CNTN5: variants seen among roughly 807,000 people sequenced by gnomAD.
CNTN5 encodes the protein contactin-5.
CNTN5 carries 77 observed loss-of-function variants against 129.1 expected under a neutral mutation model. The ratio of observed to expected loss-of-function variants is 0.60; its 90% CI spans 0.50 to 0.72. The LOEUF is 0.72. CNTN5 is among the 30% of genes least tolerant of loss of function. The probability of loss-of-function intolerance (pLI) is 0.00; values close to 1 mark genes in which losing one functional copy is unlikely to be tolerated. For missense variants in CNTN5, 1,478 were observed against 1,328.8 expected, an observed-to-expected ratio of 1.11 and a Z score of -1.75; for synonymous variants, 509 against 465.6, an observed-to-expected ratio of 1.09 and a Z score of -1.20.
rs1394056860 is a variant in CNTN5 at position 99,045,670 on chromosome 11, A to G, written c.-210+24400A>G. Reference sequence around the variant, plus strand: ...AGGATTATTGCCAGATAGAAGTATCATTACTCCTAATCTTAATAGATTGCA... The same window carrying G: ...AGGATTATTGCCAGATAGAAGTATCGTTACTCCTAATCTTAATAGATTGCA... On this transcript the variant is annotated intron_variant, in intron 1 of 24. Transcript: ENST00000524871. Among the ~76,000 whole-genome samples, 2 of 152,220 alleles carry G rather than the reference A, an allele frequency of 1.3e-5. 1 individual carries two copies. The highest frequency in any genetic ancestry group is 2.9e-5 in the Non-Finnish European group (2 of 68,032).
At chr11:100,010,833 G>T (rs951738777) in intron 9 of CNTN5, among the ~76,000 whole-genome samples, 1 of 151,958 alleles carries the variant, frequency 6.6e-6, no homozygotes, top group Admixed American at 6.6e-5. Context: ...TATCTATCCT[G>T]CCCCACAATC....
chr11:100,256,901 C>A (rs1390401547), intron 17 of CNTN5, among the ~76,000 whole-genome samples: 3 of 152,056 alleles, frequency 2.0e-5, no homozygotes, highest in African/African-American at 7.2e-5. Flanking sequence ...CAGCTAGCTG[C>A]AGGAGTGTTT....
intron 1 of CNTN5, among the ~76,000 whole-genome samples, chr11:99,072,411 T>C (rs1193501655): frequency 1.3e-5 from 2 of 152,062 alleles, no homozygotes; most frequent in African/African-American, 4.8e-5. Flanking sequence ...CAAAACAGGA[T>C]CTTAAAATGT....
At chr11:99,863,591 T>G (rs56149127) in intron 6 of CNTN5, among the ~76,000 whole-genome samples, 5,884 of 152,148 alleles carry the variant, frequency 0.039, 195 homozygotes, top group East Asian at 0.16. Context: ...ATAAGAACAA[T>G]TCAGCCTATT....
At chr11:100,166,597 G>A (rs1037883002) in intron 13 of CNTN5, among the ~76,000 whole-genome samples, 2 of 147,004 alleles carry the variant, frequency 1.4e-5, no homozygotes, top group Admixed American at 6.6e-5. Context: ...TCTCTCATGG[G>A]TTCATTTAAG....
chr11:99,819,696 C>A lies in CNTN5; in HGVS notation c.208C>A (p.Leu70Ile), dbSNP rs745546818. 33 of 1,612,742 alleles carry A rather than the reference C, an allele frequency of 2.0e-5. No homozygotes were observed. In the Middle Eastern group the frequency reaches 1.7e-3, roughly 81 times the overall value. Residue 70 changes from leucine (L) to isoleucine (I), a missense_variant, in exon 4 of 25, where the codon CTA (leucine) becomes ATA (isoleucine). Coordinates refer to ENST00000524871, the MANE Select transcript of CNTN5 (RefSeq NM_014361.4). ...GTLSASSPSW[L>I]GAAQNYYSPI... ...ACTGAGTGCTTCTTCACCCAGCTGG[C>A]TAGGGGCAGCTCAGAATTATTATTC...
intron 3 of CNTN5, among the ~76,000 whole-genome samples, chr11:99,641,580 C>T (rs7949313): frequency 0.6 from 91,325 of 151,786 alleles, 28,306 homozygotes; most frequent in Admixed American, 0.69. Flanking sequence ...TGTAGTGAAC[C>T]GGAAATTCCT....
At chr11:99,656,040 G>A (rs923151328) in intron 3 of CNTN5, among the ~76,000 whole-genome samples, 1 of 151,284 alleles carries the variant, frequency 6.6e-6, no homozygotes, top group Non-Finnish European at 1.5e-5. Flanking sequence ...GTGTGTATGT[G>A]TGTATATAGG....
chr11:99,663,297 G>A (rs7934300), intron 3 of CNTN5, among the ~76,000 whole-genome samples: 23,130 of 152,022 alleles, frequency 0.15, 1,862 homozygotes, highest in Non-Finnish European at 0.17. Flanking sequence ...GTGAAACCTT[G>A]TCTGTACTAA....
chr11:99,895,730 C>T (rs1044201343), intron 6 of CNTN5, among the ~76,000 whole-genome samples: 2 of 152,126 alleles, frequency 1.3e-5, no homozygotes, highest in Non-Finnish European at 1.5e-5. Context: ...TTGACTCCCT[C>T]GGGCTTCCAG....
chr11:99,030,348 A>G (rs563151170), intron 1 of CNTN5, among the ~76,000 whole-genome samples: 1 of 152,288 alleles, frequency 6.6e-6, no homozygotes, highest in East Asian at 1.9e-4. Context: ...TGTGGATACA[A>G]TGACTCTAGT....
intron 8 of CNTN5, among the ~76,000 whole-genome samples, chr11:99,995,636 A>G (rs1006944017): frequency 6.6e-6 from 1 of 152,182 alleles, no homozygotes; most frequent in Non-Finnish European, 1.5e-5. Context: ...AGAGAACTAC[A>G]TATGCACAAA....
intron 2 of CNTN5, among the ~76,000 whole-genome samples, chr11:99,376,858 C>T (rs983664394): frequency 1.3e-5 from 2 of 152,180 alleles, no homozygotes; most frequent in African/African-American, 4.8e-5. Flanking sequence ...TTTCTATTCT[C>T]ATGATGCACA....
At chr11:100,070,775 G>T in intron 11 of CNTN5, among the ~76,000 whole-genome samples, 1 of 152,206 alleles carries the variant, frequency 6.6e-6, no homozygotes, top group African/African-American at 2.4e-5. Flanking sequence ...TATTTTGAGT[G>T]AGAAACATAA....
At chr11:99,562,169 C>T (rs1418658662) in intron 3 of CNTN5, among the ~76,000 whole-genome samples, 1 of 152,156 alleles carries the variant, frequency 6.6e-6, no homozygotes, top group African/African-American at 2.4e-5. Context: ...CAGGCATTGA[C>T]TAAAATCTGC....
At chr11:99,708,496 C>T (rs1954843783) in intron 3 of CNTN5, among the ~76,000 whole-genome samples, 1 of 151,670 alleles carries the variant, frequency 6.6e-6, no homozygotes, top group Non-Finnish European at 1.5e-5. Context: ...TCGACAGATG[C>T]ATTAACTTTC....
intron 21 of CNTN5, among the ~76,000 whole-genome samples, chr11:100,316,529 T>C (rs1951575938): frequency 6.6e-6 from 1 of 152,232 alleles, no homozygotes; most frequent in South Asian, 2.1e-4. Context: ...TCTGTGCCAA[T>C]GCCTTACATG....
chr11:100,222,732 A>G (rs1289590378), intron 15 of CNTN5, among the ~76,000 whole-genome samples: 3 of 152,008 alleles, frequency 2.0e-5, no homozygotes, highest in Non-Finnish European at 4.4e-5. Context: ...AGGAAAAAAA[A>G]TCAAATCCTC....
chr11:99,061,849 G>A (rs983039524), intron 1 of CNTN5, among the ~76,000 whole-genome samples: 3 of 151,766 alleles, frequency 2.0e-5, no homozygotes, highest in East Asian at 1.9e-4. Context: ...AAAAATAGGC[G>A]GGCATGGTGT....
Sources: gnomAD v4.1 joint callset for allele counts (sites outside exome capture counted in the v4.1 genomes callset) on GRCh38, gnomAD v4.1.1 for gene constraint, MANE v1.5 for transcripts, NCBI Gene and HGNC (gene_info 2026-07-23, HGNC 2026-07-21) for gene names.